Variants in ADGRE3 observed in about 807,000 individuals in gnomAD.
ADGRE3 encodes the protein EGF-like module receptor 3.
In ADGRE3, 88 loss-of-function variants were observed where a neutral mutation model predicts 80.1. The ratio of observed to expected loss-of-function variants is 1.10; its 90% CI spans 0.93 to 1.31. The LOEUF is 1.31. Among genes scored for constraint, ADGRE3 ranks in the 40% most tolerant of loss-of-function variants. ADGRE3 has a pLI of 0.00. For synonymous variants in ADGRE3, 281 were observed against 294.8 expected, an observed-to-expected ratio of 0.95 and a Z score of 0.48; for missense variants, 715 against 776.5, an observed-to-expected ratio of 0.92 and a Z score of 0.94.
intron 4 of ADGRE3, among the ~76,000 whole-genome samples, chr19:14,661,498 A>G (rs1200338778): frequency 6.6e-6 from 1 of 152,134 alleles, no homozygotes; most frequent in Admixed American, 6.5e-5. Flanking sequence ...TTGCAATTCA[A>G]AGAATGTGGT....
Position 14,638,097 on chromosome 19 carries a change from A to C in ADGRE3, c.1484+8T>G, listed in dbSNP as rs375734253. On this transcript the variant is annotated splice_region_variant and intron_variant, in intron 11 of 15. Coordinates refer to ENST00000253673, the MANE Select transcript of ADGRE3 (RefSeq NM_032571.5). ...CTGTCCATGACACAAGGTGGGATTCAAGCTCACCGATCAGCAGTTCCATAA... is the reference window on the plus strand; with the variant it reads ...CTGTCCATGACACAAGGTGGGATTCCAGCTCACCGATCAGCAGTTCCATAA... 5.0e-6 allele frequency: 8 copies of C among 1,605,394 alleles called. No homozygotes were observed. The African/African-American group carries it at 1.1e-4, about 21-fold the overall frequency.
the ADGRE3 span, chr19:14,610,821 C>T: frequency 6.6e-6 from 1 of 151,996 alleles, no homozygotes; most frequent in African/African-American, 2.4e-5. Flanking sequence ...GTGCCTGGCT[C>T]AAAATTATTA....
the ADGRE3 span, among the ~76,000 whole-genome samples, chr19:14,600,743 G>A: frequency 1.4e-3 from 217 of 151,352 alleles, 1 homozygote; most frequent in Non-Finnish European, 1.5e-3. Context: ...CACCACGCCC[G>A]GCTAATTTTG....
In ADGRE3 at chr19:14,625,481, GT is replaced by G. The variant is rs74560369; in HGVS notation, c.1920+10del. ...TGTAAAACATTAGAACAATTCAGATGTTTCACTTACCTCACTGGGTTTTGAG... is the reference window on the plus strand; with the variant it reads ...TGTAAAACATTAGAACAATTCAGATGTTCACTTACCTCACTGGGTTTTGAG... On this transcript the variant is annotated intron_variant, in intron 15 of 15. Coordinates refer to ENST00000253673, the MANE Select transcript of ADGRE3 (RefSeq NM_032571.5). 113,383 of 1,521,990 alleles carry G rather than the reference GT, an allele frequency of 0.074. 5,964 individuals are homozygous for G. Among genetic ancestry groups the G allele is most frequent in the African/African-American group, 0.23 (17,079 of 72,766 alleles). The allele number at this position is 1,521,990 out of a possible 1,614,324, so 94.3% of individuals were successfully genotyped here. A position where few individuals can be genotyped will look rare whatever the true frequency, so the allele number is the denominator to read the frequency against.
At chr19:14,617,677 C>T (rs183715322), downstream of ADGRE3, among the ~76,000 whole-genome samples, 118 of 152,046 alleles carry the variant, frequency 7.8e-4, no homozygotes, top group Admixed American at 1.8e-3. Context: ...GGATTACAGG[C>T]GTGAGCCACT....
chr19:14,633,116 T>C (rs1568478989), intron 12 of ADGRE3, 104 bp from the exon 13 acceptor site: 1 of 1,258,026 alleles, frequency 7.9e-7, no homozygotes, highest in Non-Finnish European at 1.1e-6. Flanking sequence ...TGGGACTGAA[T>C]TGGTAGCAGG....
intron 1 of ADGRE3, among the ~76,000 whole-genome samples, chr19:14,670,879 A>G (rs1972236957): frequency 6.6e-6 from 1 of 152,226 alleles, no homozygotes; most frequent in Admixed American, 6.5e-5. Flanking sequence ...TCCTTCAGAA[A>G]TCCCACAGGG....
At chr19:14,620,548 T>TATAATATATATATATATATATATA in intron 15 of ADGRE3, among the ~76,000 whole-genome samples, 1 of 24,982 alleles carries the variant, frequency 4.0e-5, no homozygotes, top group African/African-American at 2.1e-4. Context: ...TATATATATA[T>TATAATATATATATATATATATATA]TATATATATA....
At chr19:14,633,488 C>G (rs191698885) in intron 11 of ADGRE3, among the ~76,000 whole-genome samples, 186 bp from the exon 12 acceptor site, 15 of 152,032 alleles carry the variant, frequency 9.9e-5, no homozygotes, top group Non-Finnish European at 1.5e-4. Flanking sequence ...GGGCGGCTCA[C>G]GAAGTCAGGA....
the ADGRE3 span, among the ~76,000 whole-genome samples, chr19:14,607,370 AT>A: frequency 1.3e-5 from 2 of 150,588 alleles, no homozygotes; most frequent in East Asian, 2.0e-4. Context: ...TGCCCGGCTA[AT>A]TTTTTGTATT....
chr19:14,620,631 G>T (rs1970581985), intron 15 of ADGRE3, among the ~76,000 whole-genome samples: 2 of 121,434 alleles, frequency 1.6e-5, no homozygotes, highest in South Asian at 5.8e-4. Context: ...CCAGGCTGGA[G>T]TGCAGTGGCC....
chr19:14,666,688 T>C (rs1347021428), intron 2 of ADGRE3, among the ~76,000 whole-genome samples: 1 of 152,170 alleles, frequency 6.6e-6, no homozygotes, highest in Non-Finnish European at 1.5e-5. Context: ...GTTGGCCATT[T>C]GTATATAGAA....
intron 15 of ADGRE3, among the ~76,000 whole-genome samples, chr19:14,625,152 G>A (rs571260723): frequency 6.6e-6 from 1 of 152,190 alleles, no homozygotes; most frequent in East Asian, 1.9e-4. Flanking sequence ...GCTAATTTTT[G>A]TATTTTTAGT....
At chr19:14,606,243 T>C in the ADGRE3 span, among the ~76,000 whole-genome samples, 2 of 152,044 alleles carry the variant, frequency 1.3e-5, no homozygotes, top group African/African-American at 4.8e-5. Context: ...GTCCACAGTA[T>C]GAGGCTCTGC....
chr19:14,655,039 C>T lies in ADGRE3; in HGVS notation c.520G>A (p.Glu174Lys). The T allele has an allele frequency of 6.2e-7, 1 of 1,614,076 alleles. No homozygotes were observed. Among genetic ancestry groups the T allele is most frequent in the Non-Finnish European group, 8.5e-7 (1 of 1,179,998 alleles). The change falls in exon 6 of 16, where the codon GAA (glutamate) becomes AAA (lysine). Residue 174 changes from glutamate to lysine, a missense_variant. Coordinates refer to ENST00000253673, the MANE Select transcript of ADGRE3 (RefSeq NM_032571.5). ...TGTTCTGGATCTTTCAAGGCAGTTTCTAGAACTTTCGATTCCACATCCCGG... is the reference window on the plus strand; with the variant it reads ...TGTTCTGGATCTTTCAAGGCAGTTTTTAGAACTTTCGATTCCACATCCCGG... ...ILRDVESKVL[E>K]TALKDPEQKV...
intron 7 of ADGRE3, among the ~76,000 whole-genome samples, chr19:14,647,625 C>T (rs1289047288): frequency 1.3e-5 from 2 of 151,314 alleles, no homozygotes; most frequent in Admixed American, 1.3e-4. Flanking sequence ...ACTATGTTGG[C>T]CAGGCTGGTC....
chr19:14,670,834 G>A (rs1972235339), intron 1 of ADGRE3, among the ~76,000 whole-genome samples: 1 of 152,206 alleles, frequency 6.6e-6, no homozygotes, highest in African/African-American at 2.4e-5. Context: ...CGGGTTCTGG[G>A]TTCTAGCTGA....
intron 1 of ADGRE3, among the ~76,000 whole-genome samples, chr19:14,670,721 T>C (rs1420496292): frequency 2.0e-5 from 3 of 152,206 alleles, no homozygotes; most frequent in Non-Finnish European, 4.4e-5. Context: ...AAAGTGCTAT[T>C]AGCATCATCT....
chr19:14,618,229 C>G (rs1017124083), downstream of ADGRE3, among the ~76,000 whole-genome samples: 10 of 151,892 alleles, frequency 6.6e-5, no homozygotes, highest in Non-Finnish European at 1.0e-4. Context: ...CCTCATATAA[C>G]TTTTTTTTCT....
Sources: gnomAD v4.1 joint callset for allele counts (sites outside exome capture counted in the v4.1 genomes callset) on GRCh38, gnomAD v4.1.1 for gene constraint, MANE v1.5 for transcripts, NCBI Gene and HGNC (gene_info 2026-07-23, HGNC 2026-07-21) for gene names.